DDX60L: variants seen among roughly 807,000 people sequenced by gnomAD.
The protein encoded by DDX60L is probable ATP-dependent RNA helicase DDX60-like.
A neutral mutation model predicts 211.6 loss-of-function variants in DDX60L; 191 were observed. The observed-to-expected ratio is 0.90, with a 90% confidence interval of 0.80 to 1.02. DDX60L has a LOEUF of 1.02. Ranked by LOEUF, DDX60L falls within the 50% of genes least tolerant of loss-of-function variation. The pLI, the probability that DDX60L is intolerant of heterozygous loss-of-function variation, is 0.00. For synonymous variants in DDX60L, 706 were observed against 694.1 expected (o/e 1.02, Z -0.27); for missense variants, 2,007 against 1,984.1 (o/e 1.01, Z -0.22).
chr4:168,423,685 C>T lies in DDX60L; in HGVS notation c.2020G>A (p.Glu674Lys). Residue 674 changes from glutamate (E) to lysine (K), a missense_variant, in exon 15 of 38, where the codon GAA becomes AAA. Coordinates refer to ENST00000682922, the MANE Select transcript of DDX60L (RefSeq NM_001012967.3). ...CATTTAGCTATATATTGATGATGTTCTGCTTCCAAAATTTCTGGGTATCTC... is the reference window on the plus strand; with the variant it reads ...CATTTAGCTATATATTGATGATGTTTTGCTTCCAAAATTTCTGGGTATCTC... ...LERYPEILEA[E>K]HHQYIAKCLK... 6.2e-7 allele frequency: 1 copy of T among 1,606,296 alleles called. No individual in the cohort carries two copies. Among genetic ancestry groups the T allele is most frequent in the Non-Finnish European group, 8.5e-7 (1 of 1,176,306 alleles).
intron 29 of DDX60L, among the ~76,000 whole-genome samples, chr4:168,389,940 T>C (rs569067742): frequency 3.3e-5 from 5 of 152,306 alleles, no homozygotes; most frequent in Admixed American, 2.0e-4. Flanking sequence ...GTAAATAACA[T>C]AGAAATAATA....
chr4:168,454,779 T>TTTTTTTTTTTTTTTTTTTTTTG, intron 7 of DDX60L, among the ~76,000 whole-genome samples: 1 of 141,088 alleles, frequency 7.1e-6, no homozygotes, highest in African/African-American at 2.5e-5. Flanking sequence ...TTTTTTTTTT[T>TTTTTTTTTTTTTTTTTTTTTTG]AGCAGCTAGA....
chr4:168,474,264 C>T (rs1280408841), intron 1 of DDX60L, among the ~76,000 whole-genome samples: 1 of 151,978 alleles, frequency 6.6e-6, no homozygotes, highest in African/African-American at 2.4e-5. Flanking sequence ...TTCAAAGAGC[C>T]CCTCCCATTT....
At chr4:168,406,471 C>A in intron 23 of DDX60L, 131 bp downstream of exon 23, 1 of 638,310 alleles carries the variant, frequency 1.6e-6, no homozygotes, top group Non-Finnish European at 2.7e-6. Context: ...GAAAAAATAA[C>A]TGATTATTTC....
At chr4:168,425,321 G>C (rs1403481160) in intron 14 of DDX60L, among the ~76,000 whole-genome samples, 1 of 152,206 alleles carries the variant, frequency 6.6e-6, no homozygotes, top group Non-Finnish European at 1.5e-5. Context: ...TGAGGTACTG[G>C]CTTTGCTGGG....
chr4:168,389,200 T>A (rs1360556080), intron 29 of DDX60L, among the ~76,000 whole-genome samples: 3 of 152,134 alleles, frequency 2.0e-5, no homozygotes, highest in African/African-American at 7.2e-5. Context: ...GGCAATAAAG[T>A]CCTACGAAGA....
intron 12 of DDX60L, among the ~76,000 whole-genome samples, chr4:168,431,990 G>A (rs972662335): frequency 2.0e-5 from 3 of 152,062 alleles, no homozygotes; most frequent in Non-Finnish European, 4.4e-5. Context: ...GACTATGGCT[G>A]TATCAGCATA....
intron 4 of DDX60L, among the ~76,000 whole-genome samples, chr4:168,468,025 G>A (rs1370428925): frequency 6.6e-6 from 1 of 152,090 alleles, no homozygotes; most frequent in Non-Finnish European, 1.5e-5. Context: ...AAATCAGCCA[G>A]GCATGGTGGC....
Position 168,405,914 on chromosome 4 carries a change from T to G in DDX60L, c.3213+36A>C, listed in dbSNP as rs555810846. 2.6e-4 allele frequency: 392 copies of G among 1,520,826 alleles called. 4 individuals are homozygous for G. The South Asian group carries it at 4.6e-3, about 18-fold the overall frequency. The allele number at this position is 1,520,826 out of a possible 1,614,324, so 94.2% of individuals were successfully genotyped here. A position where few individuals can be genotyped will look rare whatever the true frequency, so the allele number is the denominator to read the frequency against. On this transcript the variant is annotated intron_variant, in intron 24 of 37. Coordinates refer to ENST00000682922, the MANE Select transcript of DDX60L (RefSeq NM_001012967.3). ...TATGCAACTCCAAACAATTAACAAT[T>G]AAGTGAAACTTTGTCCAAGAAAGTG...
intron 36 of DDX60L, among the ~76,000 whole-genome samples, chr4:168,362,772 C>T (rs1315018060): frequency 6.6e-6 from 1 of 151,920 alleles, no homozygotes; most frequent in East Asian, 1.9e-4. Context: ...AATAACCAGT[C>T]AAAGAGGGAA....
chr4:168,374,118 C>T (rs1273454458), intron 34 of DDX60L, among the ~76,000 whole-genome samples: 1 of 151,824 alleles, frequency 6.6e-6, no homozygotes, highest in African/African-American at 2.4e-5. Flanking sequence ...TTGGAGCTGG[C>T]ATAAGAGATA....
intron 10 of DDX60L, among the ~76,000 whole-genome samples, chr4:168,439,638 CTA>C (rs1753545074): frequency 6.6e-6 from 1 of 152,116 alleles, no homozygotes; most frequent in South Asian, 2.1e-4. Flanking sequence ...TGTCAGCAGA[CTA>C]TTATTAAAAA....
At chr4:168,479,210 A>G (rs568362216) in intron 1 of DDX60L, among the ~76,000 whole-genome samples, 4 of 152,268 alleles carry the variant, frequency 2.6e-5, no homozygotes, top group South Asian at 4.1e-4. Context: ...TTTGTAGAGT[A>G]TCAGGAAGGA....
chr4:168,447,774 A>G (rs1755045270), intron 9 of DDX60L, among the ~76,000 whole-genome samples: 1 of 151,226 alleles, frequency 6.6e-6, no homozygotes, highest in South Asian at 2.1e-4. Context: ...AACTATCGCA[A>G]GATCAAAAAA....
At chr4:168,435,534 G>A (rs1752917173) in intron 10 of DDX60L, among the ~76,000 whole-genome samples, 1 of 152,158 alleles carries the variant, frequency 6.6e-6, no homozygotes, top group Non-Finnish European at 1.5e-5. Flanking sequence ...TGCAGCTGCT[G>A]TTCCAGAGGT....
At chr4:168,404,732 T>TA (rs1357988201) in intron 24 of DDX60L, among the ~76,000 whole-genome samples, 1 of 152,202 alleles carries the variant, frequency 6.6e-6, no homozygotes, top group African/African-American at 2.4e-5. Context: ...AAACAGCATC[T>TA]ACCTCTTTTT....
Position 168,431,632 on chromosome 4 carries a change from G to A in DDX60L, c.1516+823C>T, listed in dbSNP as rs559998277. Reference sequence around the variant, plus strand: ...ACGAGTTAATGGGTGCAGCACACCAGCATGGCACATGTATACATATGTAAC... The same window carrying A: ...ACGAGTTAATGGGTGCAGCACACCAACATGGCACATGTATACATATGTAAC... On this transcript the variant is annotated intron_variant, in intron 12 of 37. Transcript: ENST00000682922. 6.6e-5 allele frequency among the ~76,000 whole-genome samples: 10 copies of A among 151,898 alleles called. No individual in the cohort carries two copies. In the South Asian group the frequency reaches 1.7e-3, roughly 25 times the overall value.
chr4:168,371,044 G>GA (rs962115117), intron 36 of DDX60L, among the ~76,000 whole-genome samples: 99 of 146,340 alleles, frequency 6.8e-4, no homozygotes, highest in African/African-American at 2.5e-3. Context: ...ACATTTGTGG[G>GA]AAAAAAATAA....
intron 26 of DDX60L, among the ~76,000 whole-genome samples, chr4:168,398,640 A>G (rs529240863): frequency 2.0e-5 from 3 of 152,322 alleles, no homozygotes; most frequent in East Asian, 3.9e-4. Flanking sequence ...AGGCCTGCCC[A>G]TGGCCACCCA....
Sources: allele counts gnomAD v4.1 joint callset (sites outside exome capture counted in the v4.1 genomes callset), GRCh38; gene constraint gnomAD v4.1.1; transcripts MANE v1.5; gene names NCBI Gene and HGNC (gene_info 2026-07-23, HGNC 2026-07-21).